FBRS: variants seen among roughly 807,000 people sequenced by gnomAD.
FBRS encodes the protein probable fibrosin-1.
In FBRS, 15 loss-of-function variants were observed where a neutral mutation model predicts 86.1. That is an observed-to-expected ratio of 0.17 (90% CI 0.12 to 0.27). FBRS has a LOEUF of 0.27. FBRS is among the 10% of genes least tolerant of loss of function. The pLI is 1.00. For missense variants in FBRS, 1,367 were observed against 1,301.6 expected (o/e 1.05, Z -0.77); for synonymous variants, 666 against 575.8 (o/e 1.16, Z -2.24).
chr16:30,665,661 A>T lies in FBRS; in HGVS notation c.1728A>T (p.Pro576=), dbSNP rs760179213. Reference sequence around the variant, plus strand: ...AGAGCACGAACCCTGAGCTGCCACCACGACTGGGGCCGGTGCCGAGCGGGC... The same window carrying T: ...AGAGCACGAACCCTGAGCTGCCACCTCGACTGGGGCCGGTGCCGAGCGGGC... ...QPKSTNPELP[P]RLGPVPSGLS... Residue 576 remains proline (P), a synonymous_variant, in exon 11 of 18, where the codon CCA becomes CCT. Coordinates refer to ENST00000356166, the MANE Select transcript of FBRS (RefSeq NM_001105079.3). The surrounding 1 kb of genome is among the most constrained non-coding windows in gnomAD (Gnocchi z 4.1). 1.3e-6 allele frequency: 2 copies of T among 1,591,884 alleles called. No individual in the cohort carries two copies. Among genetic ancestry groups the T allele is most frequent in the Non-Finnish European group, 1.7e-6 (2 of 1,169,700 alleles).
At position 30,669,346 on chromosome 16, in the gene FBRS, C is replaced by T. The variant is rs373110037; in HGVS notation, c.2644C>T (p.Pro882Ser). 1.1e-5 allele frequency: 17 copies of T among 1,612,352 alleles called. No individual in the cohort carries two copies. The highest frequency in any genetic ancestry group is 6.7e-5 in the East Asian group (3 of 44,864). ...PPDRCAGFLE[P>S]TWLAAPPRLA... ...AGATCGCTGTGCTGGCTTCCTGGAG[C>T]CAACCTGGTTGGCAGCACCCCCACG... The change falls in exon 18 of 18, where the codon CCA (proline) becomes TCA (serine). Residue 882 changes from proline (P) to serine (S), a missense_variant. Pro to Ser is a moderately conservative substitution (Grantham distance 74). Around this residue, in one of 3 missense-constraint regions of FBRS, gnomAD observed 659 missense variants for 678.8 expected, o/e 0.97. Transcript: ENST00000356166. The surrounding 1 kb of genome is among the most constrained non-coding windows in gnomAD (Gnocchi z 5.9).
chr16:30,663,364 A>G lies in FBRS; in HGVS notation c.1055+505A>G, dbSNP rs575734930. The stretch of plus-strand genomic sequence containing the variant: ...ATGCAGTGTTTCCCAAAGTGTGTAC[A>G]TTCAGCGTCAGTGATATATGGGATG... On this transcript the variant is annotated intron_variant, in intron 6 of 17. Transcript: ENST00000356166. Among the ~76,000 whole-genome samples, 9 of 152,300 alleles carry G rather than the reference A, an allele frequency of 5.9e-5. No homozygotes were observed. In the East Asian group the frequency reaches 1.3e-3, roughly 23 times the overall value.
At chr16:30,662,331 C>T in intron 4 of FBRS, 89 bp from the exon 5 acceptor site, 2 of 1,537,384 alleles carry the variant, frequency 1.3e-6, no homozygotes, top group Non-Finnish European at 1.8e-6. Context: ...ACCACCAGTT[C>T]CTAGCAGCCT....
Position 30,664,908 on chromosome 16 carries a change from C to T in FBRS, c.1551C>T (p.His517=), listed in dbSNP as rs377453969. The T allele has an allele frequency of 2.0e-5, 33 of 1,610,382 alleles. No homozygotes were observed. The African/African-American group carries it at 2.5e-4, about 12-fold the overall frequency. The part of the protein sequence containing the change: ...TPYPPGLLPP[H]GPHMFEKYPG... ...ATCCCCCGGGCCTGCTGCCACCCCA[C>T]GGCCCCCACATGGTGAGCTCCTCAT... is the stretch of plus-strand genomic sequence containing the variant. The change falls in exon 8 of 18, where the codon CAC becomes CAT. Residue 517 remains histidine, a synonymous_variant. Transcript: ENST00000356166.
chr16:30,660,646 T>A, intron 2 of FBRS: 1 of 832,828 alleles, frequency 1.2e-6, no homozygotes, highest in Non-Finnish European at 1.6e-6. Flanking sequence ...TGGTTCTGTG[T>A]CTACTTCAAA....
chr16:30,666,327 G>C, intron 11 of FBRS, 185 bp from the exon 12 acceptor site: 2 of 715,374 alleles, frequency 2.8e-6, no homozygotes, highest in Non-Finnish European at 4.6e-6. Context: ...CAGAAACCTT[G>C]TGCTGGAGGA....
rs532255891 is a variant in FBRS, at chr16:30,660,005, T to C, written c.459+28T>C. Reference sequence around the variant, plus strand: ...GGGGCCTAATGGGGCTAGGAGACTTTGGGGGTTTCCGAGGGGCAGCAAGGA... The same window carrying C: ...GGGGCCTAATGGGGCTAGGAGACTTCGGGGGTTTCCGAGGGGCAGCAAGGA... On this transcript the variant is annotated intron_variant, in intron 1 of 17. Coordinates refer to ENST00000356166, the MANE Select transcript of FBRS (RefSeq NM_001105079.3). 35 of 1,539,228 alleles carry C rather than the reference T, an allele frequency of 2.3e-5. No individual in the cohort carries two copies. The East Asian group carries it at 8.5e-4, about 37-fold the overall frequency.
At chr16:30,667,216 A>T (rs113847395) in intron 13 of FBRS, 104 bp from the exon 14 acceptor site, 1 of 1,038,518 alleles carries the variant, frequency 9.6e-7, no homozygotes, top group Admixed American at 2.5e-5. Context: ...TCCAGGCCCC[A>T]TCTGGGTGCC....
At chr16:30,664,688 A>G in intron 7 of FBRS, 27 bp from the exon 8 acceptor site, 1 of 1,488,026 alleles carries the variant, frequency 6.7e-7, no homozygotes, top group Non-Finnish European at 9.0e-7. Flanking sequence ...CGACAGCATT[A>G]AAGCCTTCTC....
chr16:30,664,857 G>A lies in FBRS; in HGVS notation c.1500G>A (p.Gln500=). ...ACCACCAGCACCAGCACACCCACCA[G>A]CACACCCACCAGCACTTCACCCCTT... ...QHNHQHQHTH[Q]HTHQHFTPYP... Residue 500 remains glutamine, a synonymous_variant, in exon 8 of 18, where the codon CAG becomes CAA. Transcript: ENST00000356166. The A allele has an allele frequency of 1.2e-6, 2 of 1,602,130 alleles. No individual in the cohort carries two copies. Among genetic ancestry groups the A allele is most frequent in the South Asian group, 2.2e-5 (2 of 89,270 alleles).
chr16:30,665,592 C>T lies in FBRS; in HGVS notation c.1705-46C>T. On this transcript the variant is annotated intron_variant, in intron 10 of 17. Coordinates refer to ENST00000356166, the MANE Select transcript of FBRS (RefSeq NM_001105079.3). The surrounding 1 kb of genome is among the most constrained non-coding windows in gnomAD (Gnocchi z 4.1). The stretch of plus-strand genomic sequence containing the variant: ...CAGCTTGGTTCTGGATCCCTTTGTG[C>T]TTGGTGCCAGCTCTCCTGTCTGATC... 6.5e-7 allele frequency: 1 copy of T among 1,549,946 alleles called. No individual in the cohort carries two copies. Among genetic ancestry groups the T allele is most frequent in the Non-Finnish European group, 8.7e-7 (1 of 1,144,244 alleles).
At chr16:30,668,464 G>A in intron 15 of FBRS, 96 bp from the exon 16 acceptor site, 2 of 1,065,020 alleles carry the variant, frequency 1.9e-6, no homozygotes, top group Non-Finnish European at 2.8e-6. Flanking sequence ...GGCAGCTGAG[G>A]ACTCCAGGCA....
At chr16:30,666,064 C>T (rs1813525139) in intron 11 of FBRS, 3 of 401,148 alleles carry the variant, frequency 7.5e-6, no homozygotes, top group East Asian at 4.9e-5. Flanking sequence ...CAGAGCCTCC[C>T]TCCCCTTAGC....
chr16:30,660,339 C>T lies in FBRS; in HGVS notation c.536C>T (p.Ser179Phe). ...KHSGKRKRGG[S>F]SGATGEPGDS... Reference sequence around the variant, plus strand: ...TCTGGGAAGCGGAAAAGGGGGGGCTCCAGTGGGGCCACCGGGGAGCCAGGG... The same window carrying T: ...TCTGGGAAGCGGAAAAGGGGGGGCTTCAGTGGGGCCACCGGGGAGCCAGGG... Residue 179 changes from serine (S) to phenylalanine (F), a missense_variant, in exon 2 of 18, where the codon TCC becomes TTC. By Grantham distance (155) the Ser-to-Phe change is radical. Around this residue, in one of 3 missense-constraint regions of FBRS, gnomAD observed 702 missense variants for 598.7 expected, o/e 1.17. Coordinates refer to ENST00000356166, the MANE Select transcript of FBRS (RefSeq NM_001105079.3). 1 of 1,294,390 alleles carries T rather than the reference C, an allele frequency of 7.7e-7. No individual in the cohort carries two copies. The highest frequency in any genetic ancestry group is 9.9e-7 in the Non-Finnish European group (1 of 1,011,992). The allele number at this position is 1,294,390 out of a possible 1,614,324, so 80.2% of individuals were successfully genotyped here. A position where few individuals can be genotyped will look rare whatever the true frequency, so the allele number is the denominator to read the frequency against.
Position 30,669,790 on chromosome 16 carries a change from C to T in FBRS, c.*145C>T. 1 of 1,055,194 alleles carries T rather than the reference C, an allele frequency of 9.5e-7. No homozygotes were observed. Among genetic ancestry groups the T allele is most frequent in the East Asian group, 2.6e-5 (1 of 38,354 alleles). The allele number at this position is 1,055,194 out of a possible 1,614,324, so 65.4% of individuals were successfully genotyped here. ...GGTCATGGAACCTGGGAACAGAAGC[C>T]TCAACCCCCACAAGACCAAGCATCA... On this transcript the variant is annotated 3_prime_UTR_variant, in exon 18 of 18. Coordinates refer to ENST00000356166, the MANE Select transcript of FBRS (RefSeq NM_001105079.3). The surrounding 1 kb of genome is among the most constrained non-coding windows in gnomAD (Gnocchi z 5.9).
rs1411429135 is a variant in FBRS at position 30,659,861 on chromosome 16, G to A, written c.343G>A (p.Glu115Lys). 7.1e-6 allele frequency: 11 copies of A among 1,541,180 alleles called. No individual in the cohort carries two copies. In the East Asian group the frequency reaches 1.2e-4, roughly 17 times the overall value. ...GGAGGAAGAGGAGGAGGAGGAGGAGGAGGGGGGCGCAGACGACGGCGAAGC... is the reference window on the plus strand; with the variant it reads ...GGAGGAAGAGGAGGAGGAGGAGGAGAAGGGGGGCGCAGACGACGGCGAAGC... ...RGEEEEEEEE[E>K]GGADDGEAEE... The change falls in exon 1 of 18, where the codon GAG (glutamate) becomes AAG (lysine). Residue 115 changes from glutamate to lysine, a missense_variant. Physicochemically the swap from Glu to Lys is moderately conservative, Grantham distance 56. Transcript: ENST00000356166.
intron 4 of FBRS, among the ~76,000 whole-genome samples, chr16:30,661,736 G>T (rs2052464338): frequency 6.6e-6 from 1 of 152,194 alleles, no homozygotes; most frequent in African/African-American, 2.4e-5. Flanking sequence ...TGTAGTCAGT[G>T]TAGGGACTCA....
rs1407958818 is a variant in FBRS at position 30,670,002 on chromosome 16, C to T, written c.*357C>T. The T allele has an allele frequency of 7.8e-6, 4 of 513,430 alleles. No homozygotes were observed. The highest frequency in any genetic ancestry group is 7.4e-6 in the Non-Finnish European group (2 of 271,144). The allele number at this position is 513,430 out of a possible 1,614,324, so 31.8% of individuals were successfully genotyped here. ...GCTCACTAAGCCAGAGGCCAAAGTG[C>T]CCCCTCCCGTTCACCTACCACCCAA... On this transcript the variant is annotated 3_prime_UTR_variant, in exon 18 of 18. Transcript: ENST00000356166.
At position 30,670,146 on chromosome 16, in the gene FBRS, C is replaced by G. The variant is rs940019825; in HGVS notation, c.*501C>G. ...CTTTTGTACATTTTTACAGGGGTGC[C>G]CCTCCCAACAGTTCCCTTCCTGGTT... On this transcript the variant is annotated 3_prime_UTR_variant, in exon 18 of 18. Coordinates refer to ENST00000356166, the MANE Select transcript of FBRS (RefSeq NM_001105079.3). The G allele has an allele frequency of 4.4e-6, 2 of 459,572 alleles. No homozygotes were observed. The highest frequency in any genetic ancestry group is 8.8e-6 in the Non-Finnish European group (2 of 228,082). 28.5% of individuals were successfully genotyped at this position (459,572 alleles called of 1,614,324 possible).
Sources: gnomAD v4.1 joint callset for allele counts (sites outside exome capture counted in the v4.1 genomes callset) on GRCh38, gnomAD v4.1.1 for gene constraint, gnomAD v4.1.1 regional missense constraint, Gnocchi (gnomAD v3.1) non-coding constraint, MANE v1.5 for transcripts, NCBI Gene and HGNC (gene_info 2026-07-23, HGNC 2026-07-21) for gene names.